Variants in MICAL3 observed in about 807,000 individuals in gnomAD.
The protein encoded by MICAL3 is microtubule associated monooxygenase, calponin and LIM domain containing 3, also known as [F-actin]-monooxygenase MICAL3.
Under a neutral mutation model 207.4 loss-of-function variants are expected in MICAL3, and 62 were observed. The observed-to-expected ratio is 0.30, with a 90% CI of 0.24 to 0.37. The LOEUF is 0.37. Ranked by LOEUF, MICAL3 falls within the 10% of genes least tolerant of loss-of-function variation. The pLI is 1.00. For missense variants in MICAL3, 2,368 were observed against 2,635.6 expected (o/e 0.90, Z 2.22); for synonymous variants, 1,077 against 1,069.3 (o/e 1.01, Z -0.14).
intron 19 of MICAL3, among the ~76,000 whole-genome samples, chr22:17,854,144 C>T (rs1390319245): frequency 2.6e-5 from 4 of 152,176 alleles, no homozygotes; most frequent in African/African-American, 2.4e-5. Context: ...AGTCTAGATC[C>T]GTGATTCTCA....
intron 16 of MICAL3, chr22:17,884,301 G>GGC (rs1005248260): frequency 5.7e-6 from 9 of 1,591,536 alleles, no homozygotes; most frequent in Non-Finnish European, 7.7e-6. Flanking sequence ...GTGGGGGCAG[G>GGC]GCGAACCTGC....
chr22:18,015,398 A>G (rs1405020956), intron 1 of MICAL3, among the ~76,000 whole-genome samples: 1 of 150,958 alleles, frequency 6.6e-6, no homozygotes, highest in African/African-American at 2.4e-5. Flanking sequence ...AGAGAATTTT[A>G]CAAATTTAAG....
At chr22:17,877,261 G>T (rs797012230) in intron 16 of MICAL3, among the ~76,000 whole-genome samples, 64 of 44,832 alleles carry the variant, frequency 1.4e-3, no homozygotes, top group East Asian at 4.6e-3. Flanking sequence ...AGGGAGGTTA[G>T]GGAAGTTATG....
intron 1 of MICAL3, among the ~76,000 whole-genome samples, chr22:17,932,951 G>A (rs1933342402): frequency 1.3e-5 from 2 of 152,084 alleles, no homozygotes; most frequent in African/African-American, 2.4e-5. Flanking sequence ...CCCAATACAG[G>A]AGCACCCAGA....
chr22:17,892,980 T>C (rs572477882), intron 11 of MICAL3, among the ~76,000 whole-genome samples: 1 of 152,080 alleles, frequency 6.6e-6, no homozygotes, highest in Admixed American at 6.6e-5. Flanking sequence ...GCAATGACCA[T>C]CCACCACAGG....
At chr22:17,850,400 GTTTTTTTTTTT>G (rs565667574) in intron 19 of MICAL3, among the ~76,000 whole-genome samples, 31 of 74,420 alleles carry the variant, frequency 4.2e-4, no homozygotes, top group East Asian at 8.8e-4. Flanking sequence ...TTTTGAATTA[GTTTTTTTTTTT>G]TTTTTTTTTT....
rs2145955760 is a variant in MICAL3 at position 17,796,209 on chromosome 22, G to A, written c.5651-4908C>T. Among the ~76,000 whole-genome samples, 1 of 152,350 alleles carries A rather than the reference G, an allele frequency of 6.6e-6. No homozygotes were observed. Among genetic ancestry groups the A allele is most frequent in the South Asian group, 2.1e-4 (1 of 4,834 alleles). On this transcript the variant is annotated intron_variant, in intron 29 of 31. Transcript: ENST00000441493. This position sits in a 1 kb window ranked among gnomAD's most constrained non-coding sequence, Gnocchi z 4.4. ...TCTGCTGCGTCTCCAACACTCGGGG[G>A]CACATCTGCTCCATCTTTCCCTCTG...
chr22:17,883,907 A>AT (rs1929640296), intron 16 of MICAL3, among the ~76,000 whole-genome samples: 1 of 152,166 alleles, frequency 6.6e-6, no homozygotes, highest in African/African-American at 2.4e-5. Context: ...CATACTCAGA[A>AT]TTCTCTCTCC....
rs904322871 is a variant in MICAL3, at chr22:17,841,452, C to T, written c.2801+370G>A. On this transcript the variant is annotated intron_variant, in intron 20 of 31. Transcript: ENST00000441493. The surrounding 1 kb of genome is among the most constrained non-coding windows in gnomAD (Gnocchi z 4.2). Reference sequence around the variant, plus strand: ...GGGACGGACTAGGCCTCCCTCAAGACGGCCCGGTGCACTGGTGGCTGAATC... The same window carrying T: ...GGGACGGACTAGGCCTCCCTCAAGATGGCCCGGTGCACTGGTGGCTGAATC... The T allele has an allele frequency of 2.6e-5, 11 of 428,590 alleles. No individual in the cohort carries two copies. The highest frequency in any genetic ancestry group is 7.8e-5 in the African/African-American group (4 of 51,364). 26.5% of individuals were successfully genotyped at this position (428,590 alleles called of 1,614,324 possible).
At chr22:17,877,015 TTATG>T (rs1294911541) in intron 16 of MICAL3, 1 of 127,946 alleles carries the variant, frequency 7.8e-6, no homozygotes, top group African/African-American at 3.1e-5. Context: ...GTTATGGAGG[TTATG>T]GAGGTTATGG....
chr22:18,012,335 C>A (rs1389129357), intron 1 of MICAL3, among the ~76,000 whole-genome samples: 1 of 152,228 alleles, frequency 6.6e-6, no homozygotes, highest in African/African-American at 2.4e-5. Flanking sequence ...CAGCTGGCAG[C>A]TGGCAGTCAT....
At chr22:17,908,846 A>G (rs1410466516) in intron 1 of MICAL3, among the ~76,000 whole-genome samples, 1 of 152,156 alleles carries the variant, frequency 6.6e-6, no homozygotes, top group Non-Finnish European at 1.5e-5. Flanking sequence ...ACTGCCCACT[A>G]TTCAGCTGCA....
intron 1 of MICAL3, among the ~76,000 whole-genome samples, chr22:17,947,517 T>C (rs1342837949): frequency 5.3e-5 from 8 of 152,182 alleles, no homozygotes; most frequent in African/African-American, 1.9e-4. Context: ...CAACCTATCA[T>C]TGTAAAATCA....
intron 2 of MICAL3, among the ~76,000 whole-genome samples, chr22:17,905,153 G>C (rs1006268031): frequency 2.6e-5 from 4 of 152,280 alleles, no homozygotes; most frequent in African/African-American, 9.6e-5. Context: ...CTCAACAAAC[G>C]ATATGACAAT....
At chr22:17,894,700 G>A (rs2085691006) in intron 10 of MICAL3, among the ~76,000 whole-genome samples, 1 of 151,106 alleles carries the variant, frequency 6.6e-6, no homozygotes, top group Admixed American at 6.6e-5. Context: ...GGGAGGCTGA[G>A]GCAGGAGAAT....
chr22:17,810,824 C>G lies in MICAL3; in HGVS notation c.5446-11G>C. On this transcript the variant is annotated splice_polypyrimidine_tract_variant and intron_variant, in intron 27 of 31. Coordinates refer to ENST00000441493, the MANE Select transcript of MICAL3 (RefSeq NM_015241.3). Reference sequence around the variant, plus strand: ...CGTGTAGGTTCTTGGCTGGAGAGAACAAGAGAAACTTCCTCAGTCAGGTGC... The same window carrying G: ...CGTGTAGGTTCTTGGCTGGAGAGAAGAAGAGAAACTTCCTCAGTCAGGTGC... 1 of 1,610,634 alleles carries G rather than the reference C, an allele frequency of 6.2e-7. No homozygotes were observed. Among genetic ancestry groups the G allele is most frequent in the Non-Finnish European group, 8.5e-7 (1 of 1,176,894 alleles).
chr22:17,967,735 C>T (rs1206545965), intron 1 of MICAL3, among the ~76,000 whole-genome samples: 1 of 152,012 alleles, frequency 6.6e-6, no homozygotes, highest in Non-Finnish European at 1.5e-5. Flanking sequence ...CAGCGAAACC[C>T]CTTCTCTATT....
At chr22:17,881,841 A>C (rs1297156878) in intron 16 of MICAL3, among the ~76,000 whole-genome samples, 1 of 152,178 alleles carries the variant, frequency 6.6e-6, no homozygotes, top group African/African-American at 2.4e-5. Context: ...GTCAAAATTA[A>C]ATGTGTCTCA....
At chr22:17,943,458 C>T (rs778427367) in intron 1 of MICAL3, among the ~76,000 whole-genome samples, 2 of 152,236 alleles carry the variant, frequency 1.3e-5, no homozygotes, top group African/African-American at 2.4e-5. Context: ...GCCACCGCAC[C>T]CTGAGCTGCA....
Sources: gnomAD v4.1 joint callset for allele counts (sites outside exome capture counted in the v4.1 genomes callset) on GRCh38, gnomAD v4.1.1 for gene constraint, Gnocchi (gnomAD v3.1) non-coding constraint, MANE v1.5 for transcripts, NCBI Gene and HGNC (gene_info 2026-07-23, HGNC 2026-07-21) for gene names.